Variants in ANAPC5 observed in about 807,000 individuals in gnomAD.
The protein encoded by ANAPC5 is anaphase promoting complex subunit 5, also known as anaphase-promoting complex subunit 5.
In ANAPC5, 60 loss-of-function variants were observed where a neutral mutation model predicts 91.3. The ratio of observed to expected loss-of-function variants is 0.66; its 90% CI spans 0.53 to 0.81. ANAPC5 has a LOEUF of 0.81. Among genes scored for constraint, ANAPC5 ranks in the 40% least tolerant of loss-of-function variants. The pLI is 0.00. For synonymous variants in ANAPC5, 340 were observed against 364.1 expected, an observed-to-expected ratio of 0.93 and a Z score of 0.75; for missense variants, 690 against 931.5, an observed-to-expected ratio of 0.74 and a Z score of 3.37.
At chr12:121,344,157 T>C (rs1413411919) in intron 4 of ANAPC5, among the ~76,000 whole-genome samples, 1 of 152,036 alleles carries the variant, frequency 6.6e-6, no homozygotes, top group African/African-American at 2.4e-5. Context: ...TGGGGAAATG[T>C]GATCAAACAA....
At position 121,352,314 on chromosome 12, in the gene ANAPC5, G is replaced by A. The variant is rs1555275504; in HGVS notation, c.27C>T (p.Tyr9=). The A allele has an allele frequency of 1.9e-6, 3 of 1,608,828 alleles. No individual in the cohort carries two copies. The highest frequency in any genetic ancestry group is 1.1e-5 in the South Asian group (1 of 91,002). MASVHESL[Y]FNPMMTNGVV... ...CCCCATTGGTCATCATGGGATTGAAGTAGAGGCTCTCGTGGACGCTGGCCA... is the reference window on the plus strand; with the variant it reads ...CCCCATTGGTCATCATGGGATTGAAATAGAGGCTCTCGTGGACGCTGGCCA... The change falls in exon 1 of 17, where the codon TAC becomes TAT. Residue 9 remains tyrosine, a synonymous_variant. Coordinates refer to ENST00000261819, the MANE Select transcript of ANAPC5 (RefSeq NM_016237.5).
chr12:121,346,927 A>T lies in ANAPC5; in HGVS notation c.366T>A (p.Thr122=), dbSNP rs781955488. 21 of 1,610,538 alleles carry T rather than the reference A, an allele frequency of 1.3e-5. No individual in the cohort carries two copies. The highest frequency in any genetic ancestry group is 5.5e-5 in the South Asian group (5 of 90,264). ...FDDLSDSFSG[T]EPEVHKTSVV... is the part of the protein sequence containing the mutation. ...CACTTGTTTTGTGAACCTCTGGTTCAGTTCCAGAGAAAGAATCTGAAAGGT... is the reference window on the plus strand; with the variant it reads ...CACTTGTTTTGTGAACCTCTGGTTCTGTTCCAGAGAAAGAATCTGAAAGGT... Residue 122 remains threonine (T), a synonymous_variant, in exon 3 of 17, where the codon ACT becomes ACA. Transcript: ENST00000261819.
chr12:121,335,406 T>C, intron 7 of ANAPC5, 127 bp downstream of exon 7: 1 of 1,036,326 alleles, frequency 9.6e-7, no homozygotes, highest in East Asian at 2.6e-5. Flanking sequence ...CCTCACGTGA[T>C]CCACCCGCCT....
At chr12:121,310,622 G>A (rs1274016884) in intron 15 of ANAPC5, among the ~76,000 whole-genome samples, 4 of 151,574 alleles carry the variant, frequency 2.6e-5, no homozygotes, top group African/African-American at 9.7e-5. Flanking sequence ...AGGAACTGAG[G>A]GACAAAAAAG....
At chr12:121,332,719 C>T (rs929666681) in intron 7 of ANAPC5, 3 of 152,068 alleles carry the variant, frequency 2.0e-5, no homozygotes, top group Admixed American at 1.3e-4. Context: ...CCCATAGATC[C>T]AAGACCAGAA....
intron 5 of ANAPC5, among the ~76,000 whole-genome samples, chr12:121,339,747 G>T (rs1903371000): frequency 6.6e-6 from 1 of 152,158 alleles, no homozygotes; most frequent in Non-Finnish European, 1.5e-5. Flanking sequence ...GGGATTACAG[G>T]CATGAGCTGC....
intron 2 of ANAPC5, 37 bp downstream of exon 2, chr12:121,347,765 A>G: frequency 6.7e-7 from 1 of 1,494,978 alleles, no homozygotes; most frequent in Non-Finnish European, 9.3e-7. Context: ...ATCTACCTTC[A>G]CACCTTTTCA....
intron 15 of ANAPC5, among the ~76,000 whole-genome samples, chr12:121,316,594 G>A (rs1395174788): frequency 2.6e-5 from 4 of 151,888 alleles, no homozygotes; most frequent in East Asian, 1.9e-4. Flanking sequence ...ATAGCTGGGC[G>A]TGGTGGCGGG....
At chr12:121,341,637 G>A (rs1320383939) in intron 5 of ANAPC5, among the ~76,000 whole-genome samples, 5 of 152,150 alleles carry the variant, frequency 3.3e-5, no homozygotes, top group Non-Finnish European at 7.4e-5. Flanking sequence ...TTGTAGAATC[G>A]AGGTAATAGG....
At chr12:121,324,074 G>A (rs911275334) in intron 11 of ANAPC5, among the ~76,000 whole-genome samples, 7 of 152,090 alleles carry the variant, frequency 4.6e-5, no homozygotes, top group Admixed American at 2.0e-4. Context: ...TGGGCTTACC[G>A]AAACCCCAAT....
intron 11 of ANAPC5, among the ~76,000 whole-genome samples, 196 bp downstream of exon 11, chr12:121,326,899 CA>C (rs1209922262): frequency 1.3e-5 from 2 of 152,052 alleles, no homozygotes; most frequent in African/African-American, 2.4e-5. Flanking sequence ...TCATTGATGC[CA>C]AAAAAAGACC....
chr12:121,343,969 T>C (rs1032152791), intron 4 of ANAPC5, among the ~76,000 whole-genome samples: 2 of 152,220 alleles, frequency 1.3e-5, no homozygotes, highest in Non-Finnish European at 2.9e-5. Context: ...GTAGTTTATT[T>C]GGAAGCAATC....
At chr12:121,328,294 C>G in intron 10 of ANAPC5, 22 bp downstream of exon 10, 2 of 1,611,984 alleles carry the variant, frequency 1.2e-6, no homozygotes, top group African/African-American at 1.3e-5. Context: ...AATTCACACC[C>G]CCAGGGCCTT....
chr12:121,323,224 A>C (rs1045082711), intron 11 of ANAPC5, among the ~76,000 whole-genome samples: 1 of 152,184 alleles, frequency 6.6e-6, no homozygotes, highest in Non-Finnish European at 1.5e-5. Flanking sequence ...AACTGCTTTA[A>C]ATTTAATTTC....
At chr12:121,343,475 C>T (rs1358655011) in intron 4 of ANAPC5, among the ~76,000 whole-genome samples, 1 of 152,128 alleles carries the variant, frequency 6.6e-6, no homozygotes, top group African/African-American at 2.4e-5. Context: ...AATAACTTGC[C>T]CAAGGTCTCA....
At chr12:121,331,513 C>T (rs1903043051) in intron 7 of ANAPC5, 85 bp from the exon 8 acceptor site, 2 of 1,115,120 alleles carry the variant, frequency 1.8e-6, no homozygotes, top group East Asian at 2.5e-5. Context: ...TGTACACAGT[C>T]ATCCAAATGC....
chr12:121,327,991 G>A (rs1266671382), intron 10 of ANAPC5: 1 of 222,840 alleles, frequency 4.5e-6, no homozygotes, highest in Non-Finnish European at 8.9e-6. Flanking sequence ...ACGTGGGTTT[G>A]AGTCCTTTCT....
intron 5 of ANAPC5, among the ~76,000 whole-genome samples, chr12:121,340,155 A>G (rs1278772177): frequency 6.6e-6 from 1 of 151,740 alleles, no homozygotes; most frequent in African/African-American, 2.4e-5. Flanking sequence ...CGTCTCTACT[A>G]AAAACACAAA....
At position 121,308,534 on chromosome 12, in the gene ANAPC5, C is replaced by T. The variant is rs116573315; in HGVS notation, c.2214G>A (p.Arg738=). 11,178 of 1,614,094 alleles carry T rather than the reference C, an allele frequency of 6.9e-3. 117 individuals are homozygous for T. The highest frequency in any genetic ancestry group is 0.032 in the South Asian group (2,943 of 91,078). ...GAGAGGGCAGCTCCTGATGCAGCTG[C>T]CGGAAGAGCATCGCACACCGGTTCC... The part of the protein sequence containing the change: ...QERNRCAMLF[R]QLHQELPSHG... The change falls in exon 17 of 17, where the codon CGG becomes CGA. Residue 738 remains arginine, a synonymous_variant. Transcript: ENST00000261819.
Sources: allele counts gnomAD v4.1 joint callset (sites outside exome capture counted in the v4.1 genomes callset), GRCh38; gene constraint gnomAD v4.1.1; transcripts MANE v1.5; gene names NCBI Gene and HGNC (gene_info 2026-07-23, HGNC 2026-07-21).